The following DOCK7 variants were observed in gnomAD, a reference collection of about 807,000 sequenced individuals.
The protein encoded by DOCK7 is dedicator of cytokinesis protein 7.
DOCK7 carries 138 observed loss-of-function variants against 271.0 expected under a neutral mutation model. That is an observed-to-expected ratio of 0.51 (90% CI 0.44 to 0.59). The LOEUF (loss-of-function observed/expected upper bound fraction) is 0.59, where lower values mean the gene tolerates loss of function less well. DOCK7 is among the 20% of genes least tolerant of loss of function. DOCK7 has a pLI of 0.00. For synonymous variants in DOCK7, 823 were observed against 876.1 expected (o/e 0.94, Z 1.07); for missense variants, 2,066 against 2,592.4 (o/e 0.80, Z 4.41).
chr1:62,480,967 T>TCA (rs1324403382), intron 43 of DOCK7, among the ~76,000 whole-genome samples: 4 of 132,460 alleles, frequency 3.0e-5, no homozygotes, highest in African/African-American at 1.2e-4. Flanking sequence ...CGAGATCGCG[T>TCA]CACTGCACTC....
At chr1:62,523,032 T>C (rs1571392377) in intron 31 of DOCK7, among the ~76,000 whole-genome samples, 8 of 152,138 alleles carry the variant, frequency 5.3e-5, no homozygotes, top group Admixed American at 4.6e-4. Context: ...AAAAAGTTTA[T>C]GTACTGAAAG....
intron 14 of DOCK7, among the ~76,000 whole-genome samples, chr1:62,616,983 T>C (rs975342298): frequency 2.0e-5 from 3 of 151,046 alleles, no homozygotes; most frequent in African/African-American, 4.9e-5. Flanking sequence ...AAAGATACTG[T>C]CAGACATAAA....
At chr1:62,663,554 A>G (rs57022388) in intron 1 of DOCK7, among the ~76,000 whole-genome samples, 4,625 of 152,244 alleles carry the variant, frequency 0.03, 166 homozygotes, top group African/African-American at 0.084. Flanking sequence ...AATTAGGAAT[A>G]AAAAACTCTA....
At chr1:62,664,396 C>A (rs1397041695) in intron 1 of DOCK7, among the ~76,000 whole-genome samples, 2 of 152,096 alleles carry the variant, frequency 1.3e-5, no homozygotes, top group Non-Finnish European at 2.9e-5. Flanking sequence ...TCCCCTTTTG[C>A]TTGGCTCTCA....
Position 62,492,640 on chromosome 1 carries a change from T to C in DOCK7, c.5361+64A>G, listed in dbSNP as rs116020848. On this transcript the variant is annotated intron_variant, in intron 41 of 49. Coordinates refer to ENST00000635253, the MANE Select transcript of DOCK7 (RefSeq NM_001367561.1). The stretch of plus-strand genomic sequence containing the variant: ...AGGGTCATAAGCCAGAGAGAATAAA[T>C]ACACATGTCATTGATAATTAGAGGT... The C allele has an allele frequency of 8.8e-3, 13,999 of 1,591,308 alleles. 101 individuals carry two copies. The highest frequency in any genetic ancestry group is 9.9e-3 in the Non-Finnish European group (11,550 of 1,161,848).
chr1:62,591,513 C>T (rs1360527157), intron 14 of DOCK7, among the ~76,000 whole-genome samples: 2 of 151,832 alleles, frequency 1.3e-5, no homozygotes, highest in African/African-American at 4.8e-5. Context: ...AAGTATTAAT[C>T]TACATTAAAA....
intron 23 of DOCK7, among the ~76,000 whole-genome samples, chr1:62,544,441 G>C (rs926556822): frequency 6.6e-6 from 1 of 152,142 alleles, no homozygotes; most frequent in African/African-American, 2.4e-5. Context: ...CTGGTATTGA[G>C]TCTTATAGCA....
chr1:62,509,312 C>CAAAA (rs71045845), intron 34 of DOCK7, among the ~76,000 whole-genome samples: 17 of 112,614 alleles, frequency 1.5e-4, no homozygotes, highest in East Asian at 2.5e-4. Context: ...GATCTTGTCT[C>CAAAA]AAAAAAAAAA....
chr1:62,670,828 C>T lies in DOCK7; in HGVS notation c.39-7698G>A, dbSNP rs561547157. On this transcript the variant is annotated intron_variant, in intron 1 of 49. Coordinates refer to ENST00000635253, the MANE Select transcript of DOCK7 (RefSeq NM_001367561.1). ...GATAAGAGAATAAAAGCAGGCTGCC[C>T]GAGCCAGCATTGGCAACCTGCTTGG... Among the ~76,000 whole-genome samples, 584 of 152,206 alleles carry T rather than the reference C, an allele frequency of 3.8e-3. 6 individuals are homozygous for T. Among genetic ancestry groups the T allele is most frequent in the African/African-American group, 0.013 (529 of 41,530 alleles).
intron 31 of DOCK7, among the ~76,000 whole-genome samples, chr1:62,515,916 G>A (rs1030813289): frequency 1.1e-4 from 16 of 152,138 alleles, no homozygotes; most frequent in Admixed American, 1.0e-3. Context: ...AACACAAAAA[G>A]TGTCCTATGC....
intron 18 of DOCK7, among the ~76,000 whole-genome samples, chr1:62,575,250 T>G (rs765782712): frequency 2.6e-5 from 4 of 152,114 alleles, no homozygotes; most frequent in Non-Finnish European, 4.4e-5. Context: ...TTATGATGTA[T>G]TTCTGTAAAG....
intron 14 of DOCK7, among the ~76,000 whole-genome samples, chr1:62,611,621 T>C (rs1008257240): frequency 4.6e-5 from 7 of 152,204 alleles, no homozygotes; most frequent in African/African-American, 1.7e-4. Flanking sequence ...GGACCTACTG[T>C]CATGTAATAA....
At chr1:62,632,860 T>C (rs1483773133) in intron 10 of DOCK7, among the ~76,000 whole-genome samples, 1 of 151,844 alleles carries the variant, frequency 6.6e-6, no homozygotes, top group Non-Finnish European at 1.5e-5. Flanking sequence ...GCCTGTAATT[T>C]GAGCTGCTTG....
At chr1:62,613,542 T>G (rs1652066422) in intron 14 of DOCK7, among the ~76,000 whole-genome samples, 1 of 152,184 alleles carries the variant, frequency 6.6e-6, no homozygotes, top group Non-Finnish European at 1.5e-5. Flanking sequence ...AAGAATATTT[T>G]TTAAAGTGTA....
intron 12 of DOCK7, among the ~76,000 whole-genome samples, chr1:62,624,869 G>T (rs1417381530): frequency 6.6e-6 from 1 of 152,050 alleles, no homozygotes; most frequent in Non-Finnish European, 1.5e-5. Context: ...TACTCAGGAG[G>T]CTGAGGCAGG....
rs1645962199 is a variant in DOCK7, at chr1:62,476,102, T to C, written c.5689A>G (p.Asn1897Asp). ...TCTAATTTACACTTGTCTACAGGAT[T>C]AGAGTCTTTGATTACTTCAACCACA... ...EDVVEVIKDS[N>D]PVDKCKLDPN... Residue 1897 changes from asparagine to aspartate, a missense_variant, in exon 45 of 50, where the codon AAT becomes GAT. Physicochemically the swap from Asn to Asp is conservative, Grantham distance 23 (BLOSUM62 1). Around this residue, in one of 2 missense-constraint regions of DOCK7, gnomAD observed 652 missense variants for 922.1 expected, o/e 0.71. Coordinates refer to ENST00000635253, the MANE Select transcript of DOCK7 (RefSeq NM_001367561.1). 6.2e-7 allele frequency: 1 copy of C among 1,613,506 alleles called. No individual in the cohort carries two copies. Among genetic ancestry groups the C allele is most frequent in the Non-Finnish European group, 8.5e-7 (1 of 1,179,670 alleles).
intron 18 of DOCK7, among the ~76,000 whole-genome samples, chr1:62,575,026 T>C (rs745887848): frequency 2.6e-5 from 4 of 152,024 alleles, no homozygotes; most frequent in Non-Finnish European, 5.9e-5. Flanking sequence ...CCACCACACC[T>C]GGCCAGAAAC....
intron 15 of DOCK7, chr1:62,584,316 T>C (rs764429905): frequency 2.6e-4 from 256 of 983,032 alleles, no homozygotes; most frequent in Admixed American, 4.3e-4. Context: ...TTTTCATAAA[T>C]TGTTCCTGTG....
intron 2 of DOCK7, among the ~76,000 whole-genome samples, chr1:62,662,778 A>G (rs567110750): frequency 9.1e-4 from 139 of 152,242 alleles, no homozygotes; most frequent in African/African-American, 3.2e-3. Context: ...GAAGAAAAAA[A>G]AGTTCTAAAT....
Sources: allele counts gnomAD v4.1 joint callset (sites outside exome capture counted in the v4.1 genomes callset), GRCh38; gene constraint gnomAD v4.1.1; regional missense constraint gnomAD v4.1.1; transcripts MANE v1.5; gene names NCBI Gene and HGNC (gene_info 2026-07-23, HGNC 2026-07-21).